ARB2A: variants seen among roughly 807,000 people sequenced by gnomAD.
ARB2A encodes ARB2 cotranscriptional regulator A.
the ARB2A span, among the ~76,000 whole-genome samples, chr5:93,809,394 A>G: frequency 2.0e-5 from 3 of 152,072 alleles, no homozygotes. Flanking sequence ...TGAAAAATAA[A>G]TAAAATATTT....
the ARB2A span, among the ~76,000 whole-genome samples, chr5:93,657,945 C>T: frequency 3.9e-5 from 6 of 152,098 alleles, no homozygotes; most frequent in African/African-American, 1.4e-4. Flanking sequence ...ATATAATATG[C>T]ATTGTTATCT....
chr5:94,065,608 C>T, the ARB2A span, among the ~76,000 whole-genome samples: 1 of 151,970 alleles, frequency 6.6e-6, no homozygotes, highest in African/African-American at 2.4e-5. Flanking sequence ...GAATTTAAGT[C>T]AAAAGCAGTA....
At chr5:93,756,114 T>C in the ARB2A span, among the ~76,000 whole-genome samples, 1 of 152,074 alleles carries the variant, frequency 6.6e-6, no homozygotes, top group Non-Finnish European at 1.5e-5. Flanking sequence ...TTCCCCCACT[T>C]CCCTGACAAC....
chr5:93,798,056 C>G, the ARB2A span, among the ~76,000 whole-genome samples: 2 of 151,928 alleles, frequency 1.3e-5, no homozygotes, highest in African/African-American at 4.8e-5. Flanking sequence ...TTATTGTAAT[C>G]AGAAGTATAA....
At chr5:94,013,650 G>A in the ARB2A span, among the ~76,000 whole-genome samples, 1 of 152,030 alleles carries the variant, frequency 6.6e-6, no homozygotes, top group Admixed American at 6.6e-5. Flanking sequence ...CAGAAGATGG[G>A]TCACAGCATA....
At chr5:93,664,128 T>TG in the ARB2A span, among the ~76,000 whole-genome samples, 1 of 146,290 alleles carries the variant, frequency 6.8e-6, no homozygotes, top group African/African-American at 2.5e-5. Flanking sequence ...TGGGCGGGGG[T>TG]GGGGGGCAGT....
At chr5:94,072,520 C>A in the ARB2A span, among the ~76,000 whole-genome samples, 1 of 152,016 alleles carries the variant, frequency 6.6e-6, no homozygotes, top group Non-Finnish European at 1.5e-5. Context: ...CGTAACAACT[C>A]AACATTAATG....
the ARB2A span, among the ~76,000 whole-genome samples, chr5:94,081,862 CA>C: frequency 1.1e-3 from 164 of 143,262 alleles, no homozygotes; most frequent in African/African-American, 2.8e-3. Flanking sequence ...AAGGCAGTCT[CA>C]AAAAAAAAAA....
At chr5:93,846,957 C>T in the ARB2A span, among the ~76,000 whole-genome samples, 3 of 152,164 alleles carry the variant, frequency 2.0e-5, no homozygotes, top group African/African-American at 4.8e-5. Flanking sequence ...ATTGTTTGAT[C>T]GCATTTTACC....
chr5:93,768,549 A>G, the ARB2A span, among the ~76,000 whole-genome samples: 21 of 151,170 alleles, frequency 1.4e-4, no homozygotes, highest in African/African-American at 2.4e-5. Flanking sequence ...TAGCGTATAC[A>G]TTTATACACT....
the ARB2A span, among the ~76,000 whole-genome samples, chr5:93,800,823 T>G: frequency 6.6e-6 from 1 of 152,152 alleles, no homozygotes; most frequent in Non-Finnish European, 1.5e-5. Flanking sequence ...GCCACAGCTC[T>G]AATCTATAAA....
At chr5:93,779,249 C>T in the ARB2A span, among the ~76,000 whole-genome samples, 1,654 of 152,148 alleles carry the variant, frequency 0.011, 33 homozygotes, top group African/African-American at 0.038. Flanking sequence ...TAAACATATG[C>T]AAAGAAAGAC....
chr5:93,781,983 G>T, the ARB2A span: 4 of 955,608 alleles, frequency 4.2e-6, no homozygotes, highest in African/African-American at 7.1e-5. Flanking sequence ...AGAAAGAAAA[G>T]GGGAGGAAGT....
At chr5:94,082,355 A>G in the ARB2A span, among the ~76,000 whole-genome samples, 1 of 152,196 alleles carries the variant, frequency 6.6e-6, no homozygotes, top group African/African-American at 2.4e-5. Flanking sequence ...TATTTTGATC[A>G]TTATCATAAT....
At chr5:93,937,962 G>T in the ARB2A span, among the ~76,000 whole-genome samples, 8 of 151,618 alleles carry the variant, frequency 5.3e-5, no homozygotes, top group African/African-American at 7.3e-5. Flanking sequence ...ATTTTTTTTT[G>T]AGTATTTTGA....
At chr5:94,027,543 G>T in the ARB2A span, among the ~76,000 whole-genome samples, 1 of 152,136 alleles carries the variant, frequency 6.6e-6, no homozygotes, top group Non-Finnish European at 1.5e-5. Context: ...AATAAGGAAG[G>T]ACTGGGTCTG....
At chr5:93,740,910 C>T in the ARB2A span, 1 of 1,614,018 alleles carries the variant, frequency 6.2e-7, no homozygotes, top group African/African-American at 1.3e-5. Context: ...CGATTCGTCG[C>T]TCTCTGCTTG....
chr5:93,749,472 C>T, the ARB2A span, among the ~76,000 whole-genome samples: 1 of 152,084 alleles, frequency 6.6e-6, no homozygotes, highest in East Asian at 1.9e-4. Flanking sequence ...TTGTGTATAT[C>T]AAAACTATGC....
chr5:94,047,855 A>G, the ARB2A span, among the ~76,000 whole-genome samples: 10 of 152,312 alleles, frequency 6.6e-5, no homozygotes, highest in East Asian at 1.9e-3. Flanking sequence ...AAAAAGGACA[A>G]GGTATATTTG....
Sources: allele counts gnomAD v4.1 joint callset (sites outside exome capture counted in the v4.1 genomes callset), GRCh38; gene constraint gnomAD v4.1.1; transcripts MANE v1.5; gene names NCBI Gene and HGNC (gene_info 2026-07-23, HGNC 2026-07-21).